Variants in PDE3A observed in about 807,000 individuals in gnomAD.
The protein encoded by PDE3A is phosphodiesterase 3A, also known as cGMP-inhibited 3',5'-cyclic phosphodiesterase 3A.
Under a neutral mutation model 98.3 loss-of-function variants are expected in PDE3A, and 43 were observed. The observed-to-expected ratio is 0.44, with a 90% CI of 0.34 to 0.56. The LOEUF (loss-of-function observed/expected upper bound fraction) is 0.56. PDE3A is among the 20% of genes least tolerant of loss of function. The pLI is 0.01. For missense variants in PDE3A, 1,427 were observed against 1,440.7 expected, an observed-to-expected ratio of 0.99 and a Z score of 0.15; for synonymous variants, 663 against 567.9, an observed-to-expected ratio of 1.17 and a Z score of -2.38.
intron 15 of PDE3A, among the ~76,000 whole-genome samples, chr12:20,665,814 T>C (rs1159647288): frequency 6.6e-6 from 1 of 152,146 alleles, no homozygotes; most frequent in Non-Finnish European, 1.5e-5. Context: ...CCCTGTCTTA[T>C]GTAATATGCA....
rs768494749 is a variant in PDE3A at position 20,369,414 on chromosome 12, C to G, written c.130C>G (p.Arg44Gly). 2.1e-5 allele frequency: 32 copies of G among 1,554,476 alleles called. No homozygotes were observed. The highest frequency in any genetic ancestry group is 4.9e-5 in the East Asian group (2 of 41,176). ...CGCATCGCCGCGGGACTCGGGCTGC[C>G]GTGGCTGCTGGGGAGACCTGGTGCT... is the stretch of plus-strand genomic sequence containing the variant. Reference protein sequence around the residue: ...DPASPRDSGCRGCWGDLVLQP... With the variant: ...DPASPRDSGCGGCWGDLVLQP... Residue 44 changes from arginine (R) to glycine (G), a missense_variant, in exon 1 of 16, where the codon CGT becomes GGT. Physicochemically the swap from Arg to Gly is moderately radical, Grantham distance 125. This residue lies in a region of PDE3A where 1,012 missense variants were observed against 886.5 expected (regional missense o/e 1.14). Coordinates refer to ENST00000359062, the MANE Select transcript of PDE3A (RefSeq NM_000921.5).
chr12:20,646,708 T>C (rs752763429), intron 11 of PDE3A, 43 bp from the exon 12 acceptor site: 1 of 1,459,026 alleles, frequency 6.9e-7, no homozygotes, highest in Non-Finnish European at 9.6e-7. Context: ...ATAATGTCAG[T>C]ACTTTTTTAA....
chr12:20,432,918 A>G (rs1039481436), intron 1 of PDE3A, among the ~76,000 whole-genome samples: 2 of 152,148 alleles, frequency 1.3e-5, no homozygotes, highest in Non-Finnish European at 2.9e-5. Flanking sequence ...CATTTTAATA[A>G]CCAAAGTATA....
At chr12:20,663,125 A>G (rs1945218242) in intron 15 of PDE3A, among the ~76,000 whole-genome samples, 1 of 152,166 alleles carries the variant, frequency 6.6e-6, no homozygotes, top group Non-Finnish European at 1.5e-5. Flanking sequence ...ATATCATGTT[A>G]GGTCTGTGGT....
intron 1 of PDE3A, among the ~76,000 whole-genome samples, chr12:20,434,568 G>A (rs1012757170): frequency 1.3e-5 from 2 of 152,154 alleles, no homozygotes; most frequent in African/African-American, 2.4e-5. Context: ...TGTGCTGAGA[G>A]GGAGTATAGT....
At chr12:20,431,164 C>T (rs1049029925) in intron 1 of PDE3A, among the ~76,000 whole-genome samples, 8 of 151,954 alleles carry the variant, frequency 5.3e-5, no homozygotes, top group African/African-American at 9.7e-5. Flanking sequence ...TCTATAATTA[C>T]GTCTGAAACA....
chr12:20,414,344 T>A (rs879259382), intron 1 of PDE3A, among the ~76,000 whole-genome samples: 52 of 152,106 alleles, frequency 3.4e-4, no homozygotes, highest in Non-Finnish European at 5.4e-4. Context: ...AGATTTCAAA[T>A]CATATAGCAG....
At chr12:20,477,961 C>T (rs1945558205) in intron 1 of PDE3A, among the ~76,000 whole-genome samples, 1 of 152,168 alleles carries the variant, frequency 6.6e-6, no homozygotes, top group Admixed American at 6.5e-5. Flanking sequence ...CTGCCAGAAG[C>T]CACAAGTTTG....
chr12:20,688,541 T>C lies in PDE3A; in HGVS notation c.*8270T>C, dbSNP rs1009405767. On this transcript the variant is annotated 3_prime_UTR_variant, in exon 16 of 16. Transcript: ENST00000359062. ...TGTCCTAGATTATCTATGTCGATGT[T>C]ATGAGTGAAGATAATGTATAATATA... is the stretch of plus-strand genomic sequence containing the variant. Among the ~76,000 whole-genome samples the C allele has an allele frequency of 6.6e-6, 1 of 151,958 alleles. No homozygotes were observed. Among genetic ancestry groups the C allele is most frequent in the Non-Finnish European group, 1.5e-5 (1 of 67,960 alleles).
intron 1 of PDE3A, among the ~76,000 whole-genome samples, chr12:20,453,349 T>C (rs1237613648): frequency 6.6e-6 from 1 of 151,778 alleles, no homozygotes; most frequent in Non-Finnish European, 1.5e-5. Flanking sequence ...AATTTTTTTG[T>C]GTGTGTTTTT....
intron 2 of PDE3A, among the ~76,000 whole-genome samples, chr12:20,602,812 CT>C (rs1320392054): frequency 6.6e-6 from 1 of 152,204 alleles, no homozygotes; most frequent in Admixed American, 6.5e-5. Context: ...CAATGAGTTA[CT>C]GCAAAATTTT....
intron 1 of PDE3A, among the ~76,000 whole-genome samples, chr12:20,507,608 T>C (rs544792336): frequency 3.9e-5 from 6 of 152,146 alleles, no homozygotes; most frequent in African/African-American, 1.2e-4. Context: ...ATGTGCCAAA[T>C]GGAACTTCCA....
At chr12:20,648,293 T>G (rs1052324381) in intron 12 of PDE3A, among the ~76,000 whole-genome samples, 1 of 149,978 alleles carries the variant, frequency 6.7e-6, no homozygotes, top group Non-Finnish European at 1.5e-5. Flanking sequence ...ATATTTATAT[T>G]TACATATATA....
chr12:20,444,231 T>A (rs181148060), intron 1 of PDE3A, among the ~76,000 whole-genome samples: 26 of 152,304 alleles, frequency 1.7e-4, no homozygotes, highest in Non-Finnish European at 3.2e-4. Context: ...TCTTTTCTTT[T>A]CTGCTTTCTT....
At chr12:20,459,831 T>C (rs1372559880) in intron 1 of PDE3A, among the ~76,000 whole-genome samples, 1 of 152,086 alleles carries the variant, frequency 6.6e-6, no homozygotes, top group Admixed American at 6.6e-5. Flanking sequence ...AGGAATCAAT[T>C]ACAGTGATAA....
At chr12:20,667,059 C>A (rs1397091225) in intron 15 of PDE3A, among the ~76,000 whole-genome samples, 1 of 152,054 alleles carries the variant, frequency 6.6e-6, no homozygotes, top group African/African-American at 2.4e-5. Flanking sequence ...TACCTGTTGG[C>A]CATTTGTATG....
chr12:20,603,021 A>G (rs535373339), intron 2 of PDE3A, among the ~76,000 whole-genome samples: 4 of 152,302 alleles, frequency 2.6e-5, no homozygotes, highest in African/African-American at 9.6e-5. Flanking sequence ...ACCATTTCCT[A>G]GTATCACGGA....
chr12:20,431,666 C>T (rs1459461326), intron 1 of PDE3A, among the ~76,000 whole-genome samples: 1 of 151,812 alleles, frequency 6.6e-6, no homozygotes, highest in Non-Finnish European at 1.5e-5. Context: ...TTCCTCACTG[C>T]TATTTTGACG....
intron 1 of PDE3A, among the ~76,000 whole-genome samples, chr12:20,516,029 G>A (rs546195350): frequency 5.1e-4 from 76 of 150,080 alleles, no homozygotes; most frequent in African/African-American, 1.9e-3. Context: ...ACCGCGCCCG[G>A]CCTATTTTTT....
Sources: gnomAD v4.1 joint callset for allele counts (sites outside exome capture counted in the v4.1 genomes callset) on GRCh38, gnomAD v4.1.1 for gene constraint, gnomAD v4.1.1 regional missense constraint, MANE v1.5 for transcripts, NCBI Gene and HGNC (gene_info 2026-07-23, HGNC 2026-07-21) for gene names.